The following UGT2B4 variants were observed in gnomAD, a reference collection of about 807,000 sequenced individuals.
UGT2B4 encodes UDP glucuronosyltransferase family 2 member B4, also known as UDP-glucuronosyltransferase 2B4.
In UGT2B4, 49 loss-of-function variants were observed where a neutral mutation model predicts 49.8. That is an observed-to-expected ratio of 0.98 (90% CI 0.78 to 1.25). The LOEUF (loss-of-function observed/expected upper bound fraction) is 1.25. UGT2B4 is among the 50% of genes most tolerant of loss of function. UGT2B4 has a pLI of 0.00. For synonymous variants in UGT2B4, 246 were observed against 217.7 expected, an observed-to-expected ratio of 1.13 and a Z score of -1.14; for missense variants, 729 against 627.7, an observed-to-expected ratio of 1.16 and a Z score of -1.73.
chr4:69,511,073 C>T (rs1185340889), intron 1 of UGT2B4, among the ~76,000 whole-genome samples: 2 of 148,548 alleles, frequency 1.3e-5, no homozygotes, highest in Non-Finnish European at 3.0e-5. Flanking sequence ...CTCACTGCAA[C>T]CTCTGCCTCC....
intron 1 of UGT2B4, among the ~76,000 whole-genome samples, chr4:69,508,920 CT>C (rs1281932837): frequency 2.0e-5 from 3 of 152,176 alleles, no homozygotes; most frequent in Admixed American, 6.5e-5. Context: ...TGCAGCAGAT[CT>C]CTAGAATTTA....
Position 69,493,851 on chromosome 4 carries a change from GA to G in UGT2B4, c.722-11del, listed in dbSNP as rs568544786. On this transcript the variant is annotated splice_polypyrimidine_tract_variant and intron_variant, in intron 1 of 5. Coordinates refer to ENST00000305107, the MANE Select transcript of UGT2B4 (RefSeq NM_021139.3). Reference sequence around the variant, plus strand: ...AACGTAGTGGGTCTTCCTGATGGGGGAAAAAAAAAGAAAAGATAGATGACAC... The same window carrying G: ...AACGTAGTGGGTCTTCCTGATGGGGGAAAAAAAAGAAAAGATAGATGACAC... The G allele has an allele frequency of 1.1e-3, 1,756 of 1,545,210 alleles. 6 individuals are homozygous for G. The African/African-American group carries it at 0.013, about 11-fold the overall frequency.
chr4:69,499,462 T>C (rs572518383), upstream of UGT2B4, among the ~76,000 whole-genome samples: 3 of 152,178 alleles, frequency 2.0e-5, no homozygotes, highest in African/African-American at 7.2e-5. Context: ...GACAGTGGGG[T>C]GTTAAAGTCT....
chr4:69,502,682 C>T (rs1594588), intron 1 of UGT2B4, among the ~76,000 whole-genome samples: 31,350 of 151,974 alleles, frequency 0.21, 3,417 homozygotes, highest in Middle Eastern at 0.27. Flanking sequence ...GAGCTATTAG[C>T]GACTTGGAAA....
intron 1 of UGT2B4, among the ~76,000 whole-genome samples, chr4:69,524,949 T>TA (rs1728947196): frequency 6.6e-6 from 1 of 152,050 alleles, no homozygotes; most frequent in Non-Finnish European, 1.5e-5. Context: ...TCACAGTGAG[T>TA]AGAATGAGAA....
At chr4:69,495,032 T>G in intron 1 of UGT2B4, 109 bp downstream of exon 1, 1 of 1,016,046 alleles carries the variant, frequency 9.8e-7, no homozygotes, top group Admixed American at 3.4e-5. Flanking sequence ...ATTTGATAAA[T>G]TCATTACAAA....
chr4:69,519,484 C>A lies in UGT2B4; in HGVS notation c.-106+6203G>T, dbSNP rs146199256. Reference sequence around the variant, plus strand: ...TAGGGAATGAGTAGCATTCCTCCATCTACTCAGATATCTATCTTTCTGTGA... The same window carrying A: ...TAGGGAATGAGTAGCATTCCTCCATATACTCAGATATCTATCTTTCTGTGA... On this transcript the variant is annotated intron_variant, in intron 1 of 1. Coordinates refer to the UGT2B4 transcript ENST00000510114. Among the ~76,000 whole-genome samples, 12 of 152,290 alleles carry A rather than the reference C, an allele frequency of 7.9e-5. No homozygotes were observed. The East Asian group carries it at 2.3e-3, about 29-fold the overall frequency.
chr4:69,500,589 GCAAGCAAGAAAGCAAGGAAGAAAGA>G (rs1560438310), upstream of UGT2B4, among the ~76,000 whole-genome samples: 3 of 116,154 alleles, frequency 2.6e-5, no homozygotes, highest in Admixed American at 9.8e-5. Context: ...AAGCAAGAAA[GCAAGCAAGAAAGCAAGGAAGAAAGA>G]AAGAAAGAAA....
chr4:69,520,808 G>T (rs1416483159), intron 1 of UGT2B4, among the ~76,000 whole-genome samples: 1 of 152,148 alleles, frequency 6.6e-6, no homozygotes, highest in Non-Finnish European at 1.5e-5. Flanking sequence ...TAGATGACTT[G>T]TTCATGGCAC....
At chr4:69,518,346 C>T (rs1320784967) in intron 1 of UGT2B4, 2 of 152,182 alleles carry the variant, frequency 1.3e-5, no homozygotes, top group African/African-American at 4.8e-5. Flanking sequence ...AATCCACAGC[C>T]AGCACAGCAG....
At chr4:69,510,988 TTC>T (rs769481791) in intron 1 of UGT2B4, among the ~76,000 whole-genome samples, 24,277 of 113,634 alleles carry the variant, frequency 0.21, 2,398 homozygotes, top group East Asian at 0.26. Flanking sequence ...TTTTCTTTTC[TTC>T]TTTTTTTTTT....
At chr4:69,493,407 A>C (rs2109812502) in intron 2 of UGT2B4, among the ~76,000 whole-genome samples, 1 of 152,250 alleles carries the variant, frequency 6.6e-6, no homozygotes, top group African/African-American at 2.4e-5. Context: ...ATCTCTTTAT[A>C]AATATTCTTT....
At chr4:69,494,004 A>T (rs1461355978) in intron 1 of UGT2B4, among the ~76,000 whole-genome samples, 163 bp from the exon 2 acceptor site, 1 of 152,126 alleles carries the variant, frequency 6.6e-6, no homozygotes. Flanking sequence ...ATTTTTATGT[A>T]TTATATATTT....
rs1728336639 is a variant in UGT2B4, at chr4:69,502,093, CTTTCTT to C, written c.-105-6133_-105-6128del. Among the ~76,000 whole-genome samples the C allele has an allele frequency of 5.0e-5, 4 of 79,688 alleles. 1 individual carries two copies. The highest frequency in any genetic ancestry group is 2.3e-4 in the African/African-American group (4 of 17,134). 52.3% of individuals were successfully genotyped at this position (79,688 alleles called of 152,430 possible). A position where few individuals can be genotyped will look rare whatever the true frequency, so the allele number is the denominator to read the frequency against. The stretch of plus-strand genomic sequence containing the variant: ...TTCTTTTCTTTCTTTCTTTCTCTCT[CTTTCTT>C]TCTTTCTTTCTTTCTTTCTTTCTTT... On this transcript the variant is annotated intron_variant, in intron 1 of 1. Coordinates refer to the UGT2B4 transcript ENST00000510114.
intron 1 of UGT2B4, among the ~76,000 whole-genome samples, chr4:69,524,629 G>T (rs142953720): frequency 6.6e-6 from 1 of 151,938 alleles, no homozygotes; most frequent in East Asian, 1.9e-4. Context: ...ATAAATTGAT[G>T]ATTTGCTGTT....
At position 69,486,637 on chromosome 4, in the gene UGT2B4, G is replaced by A. The variant is rs763813999; in HGVS notation, c.1062C>T (p.Tyr354=). ...PDTLGLNTRL[Y]KWIPQNDLLG... ...GAAGATCATTCTGGGGTATCCACTT[G>A]TACAGCCGAGTATTGAGTCCTAAAG... is the stretch of plus-strand genomic sequence containing the variant. The change falls in exon 4 of 6, where the codon TAC becomes TAT. Residue 354 remains tyrosine, a synonymous_variant. Transcript: ENST00000305107. The A allele has an allele frequency of 3.1e-6, 5 of 1,607,476 alleles. No individual in the cohort carries two copies. The highest frequency in any genetic ancestry group is 4.2e-6 in the Non-Finnish European group (5 of 1,177,818).
chr4:69,521,758 T>A (rs1293263569), intron 1 of UGT2B4, among the ~76,000 whole-genome samples: 1 of 152,228 alleles, frequency 6.6e-6, no homozygotes, highest in South Asian at 2.1e-4. Flanking sequence ...GGTGAAGCGA[T>A]ATCCCGAGGA....
At chr4:69,483,706 T>G (rs950323051) in intron 5 of UGT2B4, among the ~76,000 whole-genome samples, 3 of 152,130 alleles carry the variant, frequency 2.0e-5, no homozygotes, top group Non-Finnish European at 2.9e-5. Flanking sequence ...ACATTATTAA[T>G]AGTAGTTATG....
At chr4:69,522,406 G>A (rs1436984435) in intron 1 of UGT2B4, among the ~76,000 whole-genome samples, 4 of 152,146 alleles carry the variant, frequency 2.6e-5, no homozygotes, top group Admixed American at 6.6e-5. Flanking sequence ...CTTAGTTCCA[G>A]ACAATTGCAA....
Sources: gnomAD v4.1 joint callset for allele counts (sites outside exome capture counted in the v4.1 genomes callset) on GRCh38, gnomAD v4.1.1 for gene constraint, MANE v1.5 for transcripts, NCBI Gene and HGNC (gene_info 2026-07-23, HGNC 2026-07-21) for gene names.